The following MAGI1 variants were observed in gnomAD, a reference collection of about 807,000 sequenced individuals.
MAGI1 encodes the protein membrane associated guanylate kinase, WW and PDZ domain containing 1.
In MAGI1, 58 loss-of-function variants were observed where a neutral mutation model predicts 139.9. That is an observed-to-expected ratio of 0.41 (90% CI 0.34 to 0.52). MAGI1 has a LOEUF of 0.52. Ranked by LOEUF, MAGI1 falls within the 20% of genes least tolerant of loss-of-function variation. The probability of loss-of-function intolerance (pLI) is 0.12; values close to 1 mark genes in which losing one functional copy is unlikely to be tolerated. For missense variants in MAGI1, 1,874 were observed against 1,901.6 expected, an observed-to-expected ratio of 0.99 and a Z score of 0.27; for synonymous variants, 812 against 737.9, an observed-to-expected ratio of 1.10 and a Z score of -1.63.
chr3:65,945,743 C>T (rs978823849), intron 1 of MAGI1, among the ~76,000 whole-genome samples: 5 of 152,220 alleles, frequency 3.3e-5, no homozygotes, highest in African/African-American at 9.6e-5. Context: ...ATTCTGACCA[C>T]AGGGCATCCC....
At position 66,007,660 on chromosome 3, in the gene MAGI1, T is replaced by G. The variant is rs559721639; in HGVS notation, c.313+30336A>C. Among the ~76,000 whole-genome samples, 28 of 152,278 alleles carry G rather than the reference T, an allele frequency of 1.8e-4. 1 individual carries two copies. The East Asian group carries it at 4.6e-3, about 25-fold the overall frequency. On this transcript the variant is annotated intron_variant, in intron 1 of 22. Transcript: ENST00000402939. Reference sequence around the variant, plus strand: ...CGAGGAAACATTTCAGGACCATTTATCAAGGGAACTGGTAGCAGTAATATG... The same window carrying G: ...CGAGGAAACATTTCAGGACCATTTAGCAAGGGAACTGGTAGCAGTAATATG...
intron 1 of MAGI1, among the ~76,000 whole-genome samples, chr3:65,882,866 T>C (rs1410739810): frequency 2.0e-5 from 3 of 148,338 alleles, no homozygotes; most frequent in Non-Finnish European, 4.5e-5. Context: ...GCCCAGGAGG[T>C]TGAGGCTGCA....
At chr3:65,909,469 AAGCTGC>A (rs2061570298) in intron 1 of MAGI1, among the ~76,000 whole-genome samples, 2 of 152,178 alleles carry the variant, frequency 1.3e-5, no homozygotes, top group South Asian at 4.1e-4. Flanking sequence ...TGGGAGGTTG[AAGCTGC>A]AGTGAGCCGT....
chr3:65,636,093 A>G (rs2084599024), intron 1 of MAGI1, among the ~76,000 whole-genome samples: 1 of 152,220 alleles, frequency 6.6e-6, no homozygotes, highest in Non-Finnish European at 1.5e-5. Flanking sequence ...GAGAGTCACA[A>G]GTAATCGCCA....
chr3:65,487,023 A>G (rs1379095587), intron 3 of MAGI1, among the ~76,000 whole-genome samples: 1 of 152,220 alleles, frequency 6.6e-6, no homozygotes, highest in Non-Finnish European at 1.5e-5. Flanking sequence ...ATATCTCCAG[A>G]TTCAGCTGAC....
Position 65,964,025 on chromosome 3 carries a change from A to G in MAGI1, c.313+73971T>C, listed in dbSNP as rs62243770. On this transcript the variant is annotated intron_variant, in intron 1 of 22. Coordinates refer to ENST00000402939, the MANE Select transcript of MAGI1 (RefSeq NM_001033057.2). ...GATTCCTGAGTCTAGTTCATCTAATATAATTGTTAAGGGTGTTAACATTAA... is the reference window on the plus strand; with the variant it reads ...GATTCCTGAGTCTAGTTCATCTAATGTAATTGTTAAGGGTGTTAACATTAA... Among the ~76,000 whole-genome samples, 771 of 152,380 alleles carry G rather than the reference A, an allele frequency of 5.1e-3. 5 individuals are homozygous for G. Among genetic ancestry groups the G allele is most frequent in the Non-Finnish European group, 8.8e-3 (600 of 68,042 alleles).
intron 1 of MAGI1, among the ~76,000 whole-genome samples, chr3:65,871,611 G>T (rs1037731968): frequency 6.6e-6 from 1 of 152,230 alleles, no homozygotes; most frequent in African/African-American, 2.4e-5. Flanking sequence ...AAACACAGCA[G>T]GTGGAGTGAG....
chr3:65,454,500 G>A (rs1173849791), intron 5 of MAGI1, among the ~76,000 whole-genome samples: 1 of 142,078 alleles, frequency 7.0e-6, no homozygotes, highest in Non-Finnish European at 1.5e-5. Flanking sequence ...CCTGCACATT[G>A]TGCACATGTA....
rs929916353 is a variant in MAGI1, at chr3:65,933,138, T to C, written c.313+104858A>G. 3.9e-5 allele frequency among the ~76,000 whole-genome samples: 6 copies of C among 152,238 alleles called. No homozygotes were observed. The East Asian group carries it at 1.2e-3, about 29-fold the overall frequency. On this transcript the variant is annotated intron_variant, in intron 1 of 22. Transcript: ENST00000402939. Reference sequence around the variant, plus strand: ...GTTCCAGGACTAAACTCAATATTAATCCACTTGAAGACAAAAGCCATATCT... The same window carrying C: ...GTTCCAGGACTAAACTCAATATTAACCCACTTGAAGACAAAAGCCATATCT...
chr3:65,361,125 C>T, intron 22 of MAGI1, 74 bp downstream of exon 22: 1 of 1,613,346 alleles, frequency 6.2e-7, no homozygotes, highest in Non-Finnish European at 8.5e-7. Flanking sequence ...AAAAGACTTT[C>T]CTGCTGCCGT....
chr3:65,611,060 C>T (rs1576473707), intron 2 of MAGI1, among the ~76,000 whole-genome samples: 2 of 128,926 alleles, frequency 1.6e-5, no homozygotes, highest in African/African-American at 5.8e-5. Context: ...TATATACATA[C>T]ATATAGTGTA....
chr3:65,493,257 C>T (rs965511110), intron 3 of MAGI1, among the ~76,000 whole-genome samples: 1 of 152,042 alleles, frequency 6.6e-6, no homozygotes, highest in African/African-American at 2.4e-5. Flanking sequence ...GTATTAAAAA[C>T]AAAACACACC....
At chr3:65,529,442 T>A (rs1371483335) in intron 2 of MAGI1, among the ~76,000 whole-genome samples, 1 of 152,236 alleles carries the variant, frequency 6.6e-6, no homozygotes. Flanking sequence ...AATGGAATGA[T>A]ACAATATGTA....
intron 1 of MAGI1, among the ~76,000 whole-genome samples, chr3:66,018,358 C>T (rs1160207107): frequency 2.0e-5 from 3 of 152,170 alleles, no homozygotes; most frequent in Non-Finnish European, 2.9e-5. Flanking sequence ...GAGGTGACAT[C>T]CCATTCTCTA....
intron 1 of MAGI1, among the ~76,000 whole-genome samples, chr3:65,866,355 T>C (rs34113710): frequency 0.018 from 2,754 of 150,786 alleles, 44 homozygotes; most frequent in Non-Finnish European, 0.029. Context: ...CTACTTCTTT[T>C]TTTTTTTTTT....
At chr3:65,754,321 AAAT>A (rs2036392379) in intron 1 of MAGI1, among the ~76,000 whole-genome samples, 1 of 152,220 alleles carries the variant, frequency 6.6e-6, no homozygotes, top group East Asian at 1.9e-4. Flanking sequence ...TGTAGGAAAA[AAAT>A]AATGAGCTAA....
intron 1 of MAGI1, among the ~76,000 whole-genome samples, chr3:65,884,467 G>T (rs947290868): frequency 6.6e-6 from 1 of 152,114 alleles, no homozygotes; most frequent in Non-Finnish European, 1.5e-5. Context: ...AAAAAGCATG[G>T]CATCAAAATG....
chr3:65,937,133 G>C (rs1304469745), intron 1 of MAGI1, among the ~76,000 whole-genome samples: 1 of 152,132 alleles, frequency 6.6e-6, no homozygotes, highest in African/African-American at 2.4e-5. Flanking sequence ...TCTCATCAGG[G>C]AAATAAACTA....
At chr3:65,732,556 A>C (rs1239805614) in intron 1 of MAGI1, among the ~76,000 whole-genome samples, 1 of 152,210 alleles carries the variant, frequency 6.6e-6, no homozygotes, top group Non-Finnish European at 1.5e-5. Flanking sequence ...AGTAAAGAAG[A>C]AAGACTGCTA....
Sources: allele counts gnomAD v4.1 joint callset (sites outside exome capture counted in the v4.1 genomes callset), GRCh38; gene constraint gnomAD v4.1.1; transcripts MANE v1.5; gene names NCBI Gene and HGNC (gene_info 2026-07-23, HGNC 2026-07-21).